Variants in GSE1 observed in about 807,000 individuals in gnomAD.
GSE1 encodes Gse1 coiled-coil protein.
In GSE1, 32 loss-of-function variants were observed where a neutral mutation model predicts 112.6. The ratio of observed to expected loss-of-function variants is 0.28; its 90% CI spans 0.21 to 0.38. The LOEUF is 0.38. GSE1 is among the 10% of genes least tolerant of loss of function. The probability of loss-of-function intolerance (pLI) is 1.00; values close to 1 mark genes in which losing one functional copy is unlikely to be tolerated. For missense variants in GSE1, 2,348 were observed against 1,699.2 expected (o/e 1.38, Z -6.71); for synonymous variants, 1,115 against 735.6 (o/e 1.52, Z -8.35).
chr16:85,281,940 A>T (rs750154709), intron 1 of GSE1, among the ~76,000 whole-genome samples: 1 of 152,162 alleles, frequency 6.6e-6, no homozygotes, highest in East Asian at 1.9e-4. Flanking sequence ...TTTGCCACCC[A>T]CATGCAGAGC....
At chr16:85,462,270 G>C (rs2049988724) in intron 2 of GSE1, among the ~76,000 whole-genome samples, 1 of 152,078 alleles carries the variant, frequency 6.6e-6, no homozygotes. Context: ...AGAGACCCCT[G>C]GGTTAGAAGC....
intron 3 of GSE1, among the ~76,000 whole-genome samples, chr16:85,652,564 G>A (rs1197874886): frequency 3.3e-5 from 5 of 151,078 alleles, no homozygotes; most frequent in South Asian, 4.1e-4. Context: ...CGGCGGCGGC[G>A]GCTCCTCCAG....
intron 1 of GSE1, among the ~76,000 whole-genome samples, chr16:85,301,534 G>A (rs1174016986): frequency 6.6e-6 from 1 of 152,250 alleles, no homozygotes; most frequent in African/African-American, 2.4e-5. Flanking sequence ...CCCTGCATGG[G>A]CACCGGAAAG....
intron 1 of GSE1, among the ~76,000 whole-genome samples, chr16:85,624,380 C>T (rs570253083): frequency 3.9e-5 from 6 of 152,348 alleles, no homozygotes; most frequent in African/African-American, 1.4e-4. Context: ...CGGCCTCTAG[C>T]ACAGGTGCCC....
intron 2 of GSE1, among the ~76,000 whole-genome samples, chr16:85,494,143 TAAC>T (rs2051097021): frequency 6.6e-6 from 1 of 152,262 alleles, no homozygotes; most frequent in African/African-American, 2.4e-5. Flanking sequence ...GAGGGGCTTA[TAAC>T]AACAGAAGCA....
chr16:85,403,005 T>C (rs1295770975), intron 2 of GSE1, among the ~76,000 whole-genome samples: 1 of 152,026 alleles, frequency 6.6e-6, no homozygotes, highest in Non-Finnish European at 1.5e-5. Flanking sequence ...CGGATCCAGC[T>C]TAGCCGGGCC....
intron 2 of GSE1, among the ~76,000 whole-genome samples, chr16:85,463,883 G>C (rs576427026): frequency 1.3e-5 from 2 of 152,316 alleles, no homozygotes; most frequent in African/African-American, 4.8e-5. Context: ...CTCAGGCTGA[G>C]GGGCGGCCAG....
upstream of GSE1, among the ~76,000 whole-genome samples, chr16:85,553,130 G>A (rs1029259719): frequency 2.6e-5 from 4 of 151,744 alleles, no homozygotes; most frequent in Non-Finnish European, 4.4e-5. Context: ...CCCGCGCTCT[G>A]GCCGCCCCCC....
At position 85,463,014 on chromosome 16, in the gene GSE1, C is replaced by A. The variant is rs903906762; in HGVS notation, c.2464+105371C>A. The A allele has an allele frequency of 9.0e-6, 7 of 781,168 alleles. 1 individual carries two copies. The highest frequency in any genetic ancestry group is 1.1e-4 in the South Asian group (2 of 17,448). 48.4% of individuals were successfully genotyped at this position (781,168 alleles called of 1,614,324 possible). A position where few individuals can be genotyped will look rare whatever the true frequency, so the allele number is the denominator to read the frequency against. ...CCCGTGACGCCCCTACTGCTCGCCT[C>A]CGCCGCGGGCCATGCTGGGCAGCCC... On this transcript the variant is annotated intron_variant, in intron 2 of 2. Coordinates refer to the GSE1 transcript ENST00000637419.
At position 85,500,186 on chromosome 16, in the gene GSE1, G is replaced by A. The variant is rs191124404; in HGVS notation, c.2465-133728G>A. On this transcript the variant is annotated intron_variant, in intron 2 of 2. Coordinates refer to the GSE1 transcript ENST00000637419. ...GGCTGCCAGGTGCAGAGCGAGGCCC[G>A]CTCAGTCTGGAAAAGGTTTGTTCTT... Among the ~76,000 whole-genome samples the A allele has an allele frequency of 1.2e-3, 189 of 152,262 alleles. 1 individual carries two copies. The highest frequency in any genetic ancestry group is 4.2e-3 in the African/African-American group (173 of 41,538).
intron 1 of GSE1, among the ~76,000 whole-genome samples, chr16:85,606,146 G>C (rs1335076273): frequency 2.6e-5 from 4 of 152,174 alleles, no homozygotes; most frequent in African/African-American, 9.7e-5. Context: ...CCAGGTAGAC[G>C]GGGTTCTCAG....
intron 1 of GSE1, among the ~76,000 whole-genome samples, chr16:85,195,080 G>A (rs2074901684): frequency 6.6e-6 from 1 of 152,156 alleles, no homozygotes; most frequent in Non-Finnish European, 1.5e-5. Flanking sequence ...CCAATCGCAG[G>A]CATGTACCTC....
chr16:85,217,017 C>A (rs774678539), intron 1 of GSE1, among the ~76,000 whole-genome samples: 1 of 152,218 alleles, frequency 6.6e-6, no homozygotes, highest in Non-Finnish European at 1.5e-5. Flanking sequence ...GTGGTTGACA[C>A]AGGGCCGTAG....
intron 2 of GSE1, among the ~76,000 whole-genome samples, chr16:85,510,686 C>T (rs746474943): frequency 2.0e-5 from 3 of 152,214 alleles, no homozygotes; most frequent in South Asian, 4.1e-4. Flanking sequence ...AACCCTCCCA[C>T]GGCTCCCATG....
intron 2 of GSE1, among the ~76,000 whole-genome samples, chr16:85,496,408 G>A (rs1335133441): frequency 1.3e-5 from 2 of 152,216 alleles, no homozygotes; most frequent in East Asian, 3.8e-4. Context: ...AGAGAGCAGA[G>A]CGATAAGCAC....
chr16:85,522,369 G>C (rs2052215377), intron 2 of GSE1, among the ~76,000 whole-genome samples: 1 of 151,700 alleles, frequency 6.6e-6, no homozygotes, highest in African/African-American at 2.4e-5. Flanking sequence ...CTGCCCCCAG[G>C]ATGCAGCTCT....
At chr16:85,318,482 C>G (rs2046031953) in intron 1 of GSE1, among the ~76,000 whole-genome samples, 1 of 152,168 alleles carries the variant, frequency 6.6e-6, no homozygotes, top group African/African-American at 2.4e-5. Flanking sequence ...CCAGGCTGGT[C>G]TCAAACTCCT....
Position 85,419,144 on chromosome 16 carries a change from C to T in GSE1, c.2464+61501C>T, listed in dbSNP as rs552995152. Among the ~76,000 whole-genome samples, 25 of 152,254 alleles carry T rather than the reference C, an allele frequency of 1.6e-4. No homozygotes were observed. The highest frequency in any genetic ancestry group is 3.9e-4 in the Admixed American group (6 of 15,298). On this transcript the variant is annotated intron_variant, in intron 2 of 2. Transcript: ENST00000637419. The surrounding 1 kb of genome is among the most constrained non-coding windows in gnomAD (Gnocchi z 6.5). Reference sequence around the variant, plus strand: ...GGGGAGACACCTTGGGAGTGAGTGACGTGATGGGAGCCCAGGCACCGAGCC... The same window carrying T: ...GGGGAGACACCTTGGGAGTGAGTGATGTGATGGGAGCCCAGGCACCGAGCC...
intron 1 of GSE1, among the ~76,000 whole-genome samples, chr16:85,253,779 G>A (rs553667574): frequency 1.3e-5 from 2 of 152,244 alleles, no homozygotes; most frequent in South Asian, 2.1e-4. Flanking sequence ...GGTGGGACAG[G>A]CTGGGTGCTG....
Sources: allele counts gnomAD v4.1 joint callset (sites outside exome capture counted in the v4.1 genomes callset), GRCh38; gene constraint gnomAD v4.1.1; non-coding constraint Gnocchi (gnomAD v3.1); transcripts MANE v1.5; gene names NCBI Gene and HGNC (gene_info 2026-07-23, HGNC 2026-07-21).